The following ANO6 variants were observed in gnomAD, a reference collection of about 807,000 sequenced individuals.
The protein encoded by ANO6 is anoctamin-6.
In ANO6, 106 loss-of-function variants were observed where a neutral mutation model predicts 117.5. The ratio of observed to expected loss-of-function variants is 0.90; its 90% CI spans 0.77 to 1.06. The LOEUF is 1.06. Among genes scored for constraint, ANO6 ranks in the 50% least tolerant of loss-of-function variants. The pLI is 0.00. For synonymous variants in ANO6, 367 were observed against 385.1 expected (o/e 0.95, Z 0.55); for missense variants, 955 against 1,121.1 (o/e 0.85, Z 2.12).
intron 1 of ANO6, among the ~76,000 whole-genome samples, chr12:45,237,346 T>G (rs1401851637): frequency 1.3e-5 from 2 of 152,244 alleles, no homozygotes; most frequent in African/African-American, 4.8e-5. Context: ...TTCTAGGGAT[T>G]TTATGGTTTT....
intron 1 of ANO6, among the ~76,000 whole-genome samples, chr12:45,236,901 A>C (rs979953853): frequency 2.0e-5 from 3 of 152,134 alleles, no homozygotes; most frequent in African/African-American, 7.2e-5. Flanking sequence ...TTGTTCCCTG[A>C]CTTTTTAATG....
At chr12:45,378,022 G>A in intron 9 of ANO6, 31 bp from the exon 10 acceptor site, 4 of 1,576,130 alleles carry the variant, frequency 2.5e-6, no homozygotes, top group Non-Finnish European at 3.5e-6. Context: ...TGGAGGATAT[G>A]ACTCATTTAT....
At chr12:45,383,964 A>C (rs900644102) in intron 10 of ANO6, among the ~76,000 whole-genome samples, 3 of 152,200 alleles carry the variant, frequency 2.0e-5, no homozygotes, top group Non-Finnish European at 2.9e-5. Flanking sequence ...AAAGTCCCAG[A>C]TGACATCTTC....
intron 1 of ANO6, among the ~76,000 whole-genome samples, chr12:45,265,198 G>A (rs1431455378): frequency 2.0e-5 from 3 of 152,132 alleles, no homozygotes; most frequent in Non-Finnish European, 4.4e-5. Context: ...TAAAAGCAAC[G>A]TAAAGTTGAT....
intron 1 of ANO6, among the ~76,000 whole-genome samples, chr12:45,294,526 A>G (rs186799376): frequency 3.4e-4 from 52 of 152,330 alleles, no homozygotes; most frequent in African/African-American, 1.3e-3. Flanking sequence ...TAGATGGGAA[A>G]GACAGAGAAC....
At chr12:45,424,144 A>G (rs1010036159) in intron 19 of ANO6, among the ~76,000 whole-genome samples, 1 of 151,944 alleles carries the variant, frequency 6.6e-6, no homozygotes, top group Non-Finnish European at 1.5e-5. Flanking sequence ...CTATTTAAAC[A>G]TGTAGTTGAT....
intron 12 of ANO6, among the ~76,000 whole-genome samples, chr12:45,400,872 G>A (rs1382535158): frequency 6.6e-6 from 1 of 152,174 alleles, no homozygotes; most frequent in Non-Finnish European, 1.5e-5. Context: ...TTGAGTGCAT[G>A]GTTCTGGAGA....
intron 19 of ANO6, among the ~76,000 whole-genome samples, chr12:45,438,279 G>A (rs976824695): frequency 4.0e-4 from 60 of 150,494 alleles, no homozygotes; most frequent in Admixed American, 3.3e-3. Flanking sequence ...GTGTGTGTAT[G>A]TATGTGTGTG....
intron 1 of ANO6, among the ~76,000 whole-genome samples, chr12:45,220,024 G>C (rs192286534): frequency 6.6e-6 from 1 of 152,078 alleles, no homozygotes; most frequent in African/African-American, 2.4e-5. Context: ...CCTCATCAGC[G>C]GATTAAATTC....
At chr12:45,359,942 A>C (rs1041709925) in intron 8 of ANO6, among the ~76,000 whole-genome samples, 2 of 152,126 alleles carry the variant, frequency 1.3e-5, no homozygotes, top group African/African-American at 4.8e-5. Context: ...ATCAGCACTT[A>C]AAAAAAATTG....
At chr12:45,296,397 A>G (rs1939295968) in intron 1 of ANO6, among the ~76,000 whole-genome samples, 1 of 152,224 alleles carries the variant, frequency 6.6e-6, no homozygotes, top group South Asian at 2.1e-4. Flanking sequence ...TACATCATCT[A>G]GCTCAATCCC....
At chr12:45,325,531 G>A (rs1940431533) in intron 2 of ANO6, among the ~76,000 whole-genome samples, 1 of 151,890 alleles carries the variant, frequency 6.6e-6, no homozygotes, top group Non-Finnish European at 1.5e-5. Context: ...TGCTTTATTG[G>A]GAATATCTTA....
At chr12:45,276,487 C>G (rs546780818) in intron 1 of ANO6, among the ~76,000 whole-genome samples, 53 of 151,712 alleles carry the variant, frequency 3.5e-4, no homozygotes, top group Non-Finnish European at 7.2e-4. Flanking sequence ...CTTGTTTTTT[C>G]TTTTTCCTTG....
At chr12:45,222,982 T>C (rs996607065) in intron 1 of ANO6, among the ~76,000 whole-genome samples, 3 of 152,248 alleles carry the variant, frequency 2.0e-5, no homozygotes, top group South Asian at 4.1e-4. Context: ...GAGGACTGGT[T>C]CAGGGAGTTT....
chr12:45,328,370 T>G (rs987127886), intron 2 of ANO6, among the ~76,000 whole-genome samples: 3 of 152,128 alleles, frequency 2.0e-5, no homozygotes, highest in African/African-American at 7.2e-5. Context: ...TGGCACTTTT[T>G]TGGCTCAATT....
intron 12 of ANO6, among the ~76,000 whole-genome samples, chr12:45,395,931 C>A (rs1942598792): frequency 6.6e-6 from 1 of 152,164 alleles, no homozygotes; most frequent in Non-Finnish European, 1.5e-5. Flanking sequence ...AAAACTGGCA[C>A]AAGACAAGGA....
intron 2 of ANO6, among the ~76,000 whole-genome samples, chr12:45,318,800 T>A (rs1355752387): frequency 6.6e-6 from 1 of 152,220 alleles, no homozygotes; most frequent in Non-Finnish European, 1.5e-5. Flanking sequence ...TTTATTTCAT[T>A]GAGCAGTGGT....
chr12:45,398,564 A>T (rs931275495), intron 12 of ANO6, among the ~76,000 whole-genome samples: 1 of 152,222 alleles, frequency 6.6e-6, no homozygotes, highest in Non-Finnish European at 1.5e-5. Context: ...CAGTAAAAGT[A>T]AGATTTTTTC....
In ANO6 at chr12:45,430,316, A is replaced by G; in HGVS notation, c.*1005A>G. ...GCTGCCTTTGTGAATGGCTCACTAC[A>G]CAGCCATTGGGGTACAACTGTGTGC... is the stretch of plus-strand genomic sequence containing the variant. On this transcript the variant is annotated 3_prime_UTR_variant, in exon 20 of 20. Coordinates refer to ENST00000320560, the MANE Select transcript of ANO6 (RefSeq NM_001025356.3). The G allele has an allele frequency of 1.0e-6, 1 of 985,466 alleles. No homozygotes were observed. Among genetic ancestry groups the G allele is most frequent in the Admixed American group, 6.1e-5 (1 of 16,292 alleles). The allele number at this position is 985,466 out of a possible 1,614,324, so 61.0% of individuals were successfully genotyped here.
Sources: allele counts gnomAD v4.1 joint callset (sites outside exome capture counted in the v4.1 genomes callset), GRCh38; gene constraint gnomAD v4.1.1; transcripts MANE v1.5; gene names NCBI Gene and HGNC (gene_info 2026-07-23, HGNC 2026-07-21).